ATP2B4: variants seen among roughly 807,000 people sequenced by gnomAD.
ATP2B4 encodes ATPase plasma membrane Ca2+ transporting 4.
ATP2B4 carries 39 observed loss-of-function variants against 110.3 expected under a neutral mutation model. The ratio of observed to expected loss-of-function variants is 0.35; its 90% CI spans 0.27 to 0.46. The LOEUF (loss-of-function observed/expected upper bound fraction) is 0.46, where lower values mean the gene tolerates loss of function less well. Among genes scored for constraint, ATP2B4 ranks in the 20% least tolerant of loss-of-function variants. ATP2B4 has a pLI of 1.00. For synonymous variants in ATP2B4, 538 were observed against 571.7 expected (o/e 0.94, Z 0.84); for missense variants, 1,135 against 1,530.9 (o/e 0.74, Z 4.32).
At chr1:203,673,705 T>C (rs555578259) in intron 1 of ATP2B4, among the ~76,000 whole-genome samples, 1 of 152,272 alleles carries the variant, frequency 6.6e-6, no homozygotes, top group African/African-American at 2.4e-5. Context: ...CACACAGGAA[T>C]GTTGTTTTAA....
intron 1 of ATP2B4, among the ~76,000 whole-genome samples, chr1:203,653,492 C>T (rs960995881): frequency 6.6e-6 from 1 of 152,212 alleles, no homozygotes; most frequent in African/African-American, 2.4e-5. Flanking sequence ...CCATCTACGA[C>T]TTTCATAGCT....
At chr1:203,639,534 T>A (rs1663562865) in intron 1 of ATP2B4, among the ~76,000 whole-genome samples, 1 of 152,088 alleles carries the variant, frequency 6.6e-6, no homozygotes. Flanking sequence ...TTCAGGGAGG[T>A]AAGATCTAGA....
rs539609911 is a variant in ATP2B4 at position 203,727,745 on chromosome 1, G to C, written c.3309+174G>C. The stretch of plus-strand genomic sequence containing the variant: ...CAGACACGCAAAAGGATCTGTGTGG[G>C]GTCCTCTGAGAGGAGAGGAGTCAAA... On this transcript the variant is annotated intron_variant, in intron 20 of 20. Transcript: ENST00000357681. 88 of 733,756 alleles carry C rather than the reference G, an allele frequency of 1.2e-4. No individual in the cohort carries two copies. In the South Asian group the frequency reaches 1.5e-3, roughly 13 times the overall value. 45.5% of individuals were successfully genotyped at this position (733,756 alleles called of 1,614,324 possible).
At chr1:203,726,160 C>T (rs1023737987) in intron 19 of ATP2B4, among the ~76,000 whole-genome samples, 2 of 151,672 alleles carry the variant, frequency 1.3e-5, no homozygotes, top group Non-Finnish European at 2.9e-5. Flanking sequence ...TGCTTGAACC[C>T]GGGAGGCGGA....
chr1:203,693,165 C>T (rs1026258685), intron 2 of ATP2B4, among the ~76,000 whole-genome samples: 1 of 152,166 alleles, frequency 6.6e-6, no homozygotes, highest in Non-Finnish European at 1.5e-5. Context: ...CCTTTTAGAG[C>T]CTTTTCCCAG....
intron 12 of ATP2B4, among the ~76,000 whole-genome samples, chr1:203,711,710 C>T (rs1430621784): frequency 2.0e-5 from 3 of 152,196 alleles, no homozygotes; most frequent in Non-Finnish European, 4.4e-5. Context: ...AGTTTTTACA[C>T]CTCACTCCCA....
In ATP2B4 at chr1:203,713,185, C is replaced by G. The variant is rs1338117452; in HGVS notation, c.2232C>G (p.Asp744Glu). The change falls in exon 14 of 21, where the codon GAC becomes GAG. Residue 744 changes from aspartate (D) to glutamate (E), a missense_variant. Physicochemically the swap from Asp to Glu is conservative, Grantham distance 45. Transcript: ENST00000357681. ...GGCAGGTAGAGCAAGAAAAGCTGGA[C>G]AAGATCTGGCCTAAGCTTCGGGTCC... ...EKGEVEQEKL[D>E]KIWPKLRVLA... 6.2e-7 allele frequency: 1 copy of G among 1,614,062 alleles called. No homozygotes were observed. The highest frequency in any genetic ancestry group is 8.5e-7 in the Non-Finnish European group (1 of 1,180,026).
chr1:203,732,045 C>T (rs1666738561), intron 20 of ATP2B4, among the ~76,000 whole-genome samples: 2 of 149,104 alleles, frequency 1.3e-5, no homozygotes, highest in African/African-American at 2.5e-5. Flanking sequence ...AGCCTGGTGG[C>T]GGGTGCCTGT....
chr1:203,672,076 C>T (rs1172169408), intron 1 of ATP2B4, among the ~76,000 whole-genome samples: 1 of 152,184 alleles, frequency 6.6e-6, no homozygotes, highest in Non-Finnish European at 1.5e-5. Context: ...GGCTTTGTCT[C>T]TTATCCGTAA....
intron 11 of ATP2B4, among the ~76,000 whole-genome samples, chr1:203,709,962 T>C (rs542969303): frequency 2.0e-5 from 3 of 152,236 alleles, no homozygotes; most frequent in Admixed American, 2.0e-4. Context: ...ATTCAATGTA[T>C]GTAAAATGCC....
chr1:203,695,868 A>G (rs1024094810), intron 2 of ATP2B4, among the ~76,000 whole-genome samples: 1 of 152,100 alleles, frequency 6.6e-6, no homozygotes, highest in Non-Finnish European at 1.5e-5. Flanking sequence ...CAAAATCTTT[A>G]TCTGTTCAGA....
intron 20 of ATP2B4, among the ~76,000 whole-genome samples, chr1:203,730,146 T>TA (rs200040868): frequency 8.0e-4 from 121 of 151,166 alleles, no homozygotes; most frequent in East Asian, 1.6e-3. Flanking sequence ...TTCCTTTTTT[T>TA]AAAAAAAAAT....
intron 10 of ATP2B4, among the ~76,000 whole-genome samples, chr1:203,708,817 TG>T (rs1450238245): frequency 6.6e-6 from 1 of 152,072 alleles, no homozygotes; most frequent in Non-Finnish European, 1.5e-5. Flanking sequence ...ATCACACCAC[TG>T]CAGTCAAGCC....
intron 1 of ATP2B4, among the ~76,000 whole-genome samples, chr1:203,627,672 T>TG (rs1283347507): frequency 1.1e-5 from 1 of 91,100 alleles, no homozygotes; most frequent in African/African-American, 4.7e-5. Flanking sequence ...AAAAGAGAGA[T>TG]GGAAAAAAAA....
intron 18 of ATP2B4, among the ~76,000 whole-genome samples, chr1:203,723,453 TCTCTCTCCCTCTGC>T (rs1666404334): frequency 3.1e-5 from 3 of 98,130 alleles, no homozygotes; most frequent in Admixed American, 1.0e-4. Context: ...TCTCTCTCTC[TCTCTCTCCCTCTGC>T]CTCTCTCTCT....
chr1:203,639,366 G>T (rs572875778), intron 1 of ATP2B4, among the ~76,000 whole-genome samples: 1 of 152,370 alleles, frequency 6.6e-6, no homozygotes, highest in East Asian at 1.9e-4. Context: ...GGTTTGGGAA[G>T]AAGTGGTATC....
rs751570973 is a variant in ATP2B4 at position 203,739,834 on chromosome 1, A to G, written c.3598A>G (p.Ser1200Gly). 1.5e-4 allele frequency: 242 copies of G among 1,608,268 alleles called. No individual in the cohort carries two copies. Among genetic ancestry groups the G allele is most frequent in the Non-Finnish European group, 1.6e-4 (187 of 1,176,782 alleles). Residue 1200 changes from serine (S) to glycine (G), a missense_variant, in exon 21 of 21, where the codon AGC becomes GGC. By Grantham distance (56) the Ser-to-Gly change is moderately conservative. Transcript: ENST00000357681. ...CCCCCAGTCGGACAGCTCTCTACAGAGCCTAGAGACATCAGTTTGAATTTT... is the reference window on the plus strand; with the variant it reads ...CCCCCAGTCGGACAGCTCTCTACAGGGCCTAGAGACATCAGTTTGAATTTT... ...QLPQSDSSLQ[S>G]LETSV
chr1:203,684,086 A>T (rs1665102582), intron 2 of ATP2B4, among the ~76,000 whole-genome samples: 1 of 152,110 alleles, frequency 6.6e-6, no homozygotes, highest in Non-Finnish European at 1.5e-5. Flanking sequence ...CTGTTCTTCT[A>T]TATGTCTGAT....
intron 1 of ATP2B4, among the ~76,000 whole-genome samples, chr1:203,665,938 G>A (rs1664490434): frequency 6.6e-6 from 1 of 152,222 alleles, no homozygotes; most frequent in Non-Finnish European, 1.5e-5. Context: ...ATTCTTGTTT[G>A]ATGTAGTTGG....
Sources: gnomAD v4.1 joint callset for allele counts (sites outside exome capture counted in the v4.1 genomes callset) on GRCh38, gnomAD v4.1.1 for gene constraint, MANE v1.5 for transcripts, NCBI Gene and HGNC (gene_info 2026-07-23, HGNC 2026-07-21) for gene names.